Variants in CTIF observed in about 807,000 individuals in gnomAD.
CTIF encodes CBP80/20-dependent translation initiation factor.
A neutral mutation model predicts 66.0 loss-of-function variants in CTIF; 21 were observed. That is an observed-to-expected ratio of 0.32 (90% CI 0.23 to 0.46). CTIF has a LOEUF of 0.46. CTIF is among the 20% of genes least tolerant of loss of function. CTIF has a pLI of 1.00. For missense variants in CTIF, 739 were observed against 812.7 expected, an observed-to-expected ratio of 0.91 and a Z score of 1.10; for synonymous variants, 345 against 326.4, an observed-to-expected ratio of 1.06 and a Z score of -0.62.
intron 2 of CTIF, among the ~76,000 whole-genome samples, chr18:48,630,962 C>G (rs1410257569): frequency 6.6e-6 from 1 of 152,122 alleles, no homozygotes; most frequent in Non-Finnish European, 1.5e-5. Flanking sequence ...CAGGCATGAG[C>G]CACCGCACCC....
intron 1 of CTIF, among the ~76,000 whole-genome samples, chr18:48,558,452 G>C (rs546734612): frequency 1.3e-5 from 2 of 152,172 alleles, no homozygotes; most frequent in Non-Finnish European, 2.9e-5. Context: ...GTGTCACTTG[G>C]CACTGGTAGA....
At chr18:48,694,523 C>T (rs1448395039) in intron 6 of CTIF, among the ~76,000 whole-genome samples, 2 of 152,240 alleles carry the variant, frequency 1.3e-5, no homozygotes, top group Non-Finnish European at 1.5e-5. Context: ...CTGTCTGCTA[C>T]AGAGCCATGG....
At chr18:48,814,504 T>C (rs989738761) in intron 9 of CTIF, among the ~76,000 whole-genome samples, 2 of 152,218 alleles carry the variant, frequency 1.3e-5, no homozygotes, top group African/African-American at 4.8e-5. Context: ...TGTGTGGCCT[T>C]AGTCATGTCT....
intron 3 of CTIF, among the ~76,000 whole-genome samples, chr18:48,647,531 G>C (rs1323667769): frequency 6.6e-6 from 1 of 152,306 alleles, no homozygotes; most frequent in Admixed American, 6.5e-5. Flanking sequence ...GGCACAAGAG[G>C]TCTCTTTGTA....
At chr18:48,630,550 C>T (rs1019162524) in intron 2 of CTIF, among the ~76,000 whole-genome samples, 4 of 152,244 alleles carry the variant, frequency 2.6e-5, no homozygotes, top group African/African-American at 9.6e-5. Context: ...AAACACAATC[C>T]TTACCTATAT....
chr18:48,641,382 C>G (rs1004779339), intron 3 of CTIF, among the ~76,000 whole-genome samples: 4 of 152,220 alleles, frequency 2.6e-5, no homozygotes, highest in Admixed American at 1.3e-4. Flanking sequence ...TGTTGGCCCA[C>G]CGTGTTGGCT....
At chr18:48,649,271 T>C (rs1330627319) in intron 3 of CTIF, among the ~76,000 whole-genome samples, 1 of 152,186 alleles carries the variant, frequency 6.6e-6, no homozygotes, top group Non-Finnish European at 1.5e-5. Flanking sequence ...ACTTTTCCAA[T>C]AGTCTTAGCA....
At chr18:48,744,984 G>A (rs561789604) in intron 7 of CTIF, among the ~76,000 whole-genome samples, 35 of 152,120 alleles carry the variant, frequency 2.3e-4, no homozygotes, top group Middle Eastern at 3.4e-3. Context: ...CACCACACCC[G>A]GCTAATTTTT....
chr18:48,797,867 A>C (rs1158779949), intron 9 of CTIF, among the ~76,000 whole-genome samples: 1 of 152,156 alleles, frequency 6.6e-6, no homozygotes, highest in Non-Finnish European at 1.5e-5. Context: ...GACTTGCCCA[A>C]GCTCTGCTGG....
At chr18:48,629,940 C>A (rs1013163298) in intron 2 of CTIF, among the ~76,000 whole-genome samples, 3 of 152,212 alleles carry the variant, frequency 2.0e-5, no homozygotes, top group African/African-American at 7.2e-5. Context: ...GTGATTAATT[C>A]TTTGCTACAC....
At chr18:48,741,412 G>A (rs1006680097) in intron 7 of CTIF, among the ~76,000 whole-genome samples, 1 of 140,046 alleles carries the variant, frequency 7.1e-6, no homozygotes, top group African/African-American at 2.7e-5. Context: ...TCAGCCAAGT[G>A]ACCAGGGCTT....
intron 7 of CTIF, among the ~76,000 whole-genome samples, chr18:48,737,128 C>A (rs1407701780): frequency 6.6e-6 from 1 of 152,108 alleles, no homozygotes; most frequent in Non-Finnish European, 1.5e-5. Flanking sequence ...TACATCCTTC[C>A]TCCAAGGAGA....
At chr18:48,704,648 G>C (rs888041887) in intron 6 of CTIF, among the ~76,000 whole-genome samples, 2 of 152,166 alleles carry the variant, frequency 1.3e-5, no homozygotes, top group Non-Finnish European at 2.9e-5. Flanking sequence ...TCAGCTTCTT[G>C]CAGTGTCCCC....
At chr18:48,577,903 G>A (rs1301168634) in intron 1 of CTIF, among the ~76,000 whole-genome samples, 2 of 152,114 alleles carry the variant, frequency 1.3e-5, no homozygotes, top group Non-Finnish European at 2.9e-5. Context: ...ATATATTGAC[G>A]ATGTTGTGCA....
At chr18:48,591,784 G>A (rs2089892315) in intron 1 of CTIF, among the ~76,000 whole-genome samples, 1 of 152,182 alleles carries the variant, frequency 6.6e-6, no homozygotes, top group African/African-American at 2.4e-5. Context: ...GTCTCGCTCT[G>A]TGGCCCAGGC....
chr18:48,595,836 G>A (rs1172333058), intron 1 of CTIF, among the ~76,000 whole-genome samples: 2 of 152,156 alleles, frequency 1.3e-5, no homozygotes, highest in East Asian at 1.9e-4. Context: ...ATTCAACTGC[G>A]GGAAGAGCCA....
intron 1 of CTIF, among the ~76,000 whole-genome samples, chr18:48,611,484 C>T (rs930335211): frequency 1.3e-5 from 2 of 152,268 alleles, no homozygotes; most frequent in Non-Finnish European, 2.9e-5. Flanking sequence ...CCACCCATTT[C>T]TAGCCCTCTG....
chr18:48,580,808 C>G (rs116150668), intron 1 of CTIF, among the ~76,000 whole-genome samples: 1 of 152,198 alleles, frequency 6.6e-6, no homozygotes, highest in Non-Finnish European at 1.5e-5. Flanking sequence ...GGTTTCCACT[C>G]CCACCTCAAG....
intron 10 of CTIF, among the ~76,000 whole-genome samples, chr18:48,819,545 C>G (rs775632798): frequency 2.0e-4 from 30 of 152,152 alleles, no homozygotes; most frequent in Admixed American, 5.9e-4. Context: ...TTAACACCGC[C>G]TGAGGTAGTG....
Sources: gnomAD v4.1 joint callset for allele counts (sites outside exome capture counted in the v4.1 genomes callset) on GRCh38, gnomAD v4.1.1 for gene constraint, MANE v1.5 for transcripts, NCBI Gene and HGNC (gene_info 2026-07-23, HGNC 2026-07-21) for gene names.